The following RIMS2 variants were observed in gnomAD, a reference collection of about 807,000 sequenced individuals.
RIMS2 encodes regulating synaptic membrane exocytosis 2, also known as regulating synaptic membrane exocytosis protein 2.
RIMS2 carries 59 observed loss-of-function variants against 174.4 expected under a neutral mutation model. The ratio of observed to expected loss-of-function variants is 0.34; its 90% confidence interval spans 0.27 to 0.42. The LOEUF is 0.42. Among genes scored for constraint, RIMS2 ranks in the 10% least tolerant of loss-of-function variants. The pLI, the probability that RIMS2 is intolerant of heterozygous loss-of-function variation, is 1.00. For synonymous variants in RIMS2, 606 were observed against 572.5 expected (o/e 1.06, Z -0.84); for missense variants, 1,620 against 1,666.3 (o/e 0.97, Z 0.48).
intron 19 of RIMS2, among the ~76,000 whole-genome samples, chr8:104,091,023 T>C (rs2097646977): frequency 6.6e-6 from 1 of 151,808 alleles, no homozygotes; most frequent in Non-Finnish European, 1.5e-5. Context: ...GATATTGTGC[T>C]AAGTGCTTTA....
At chr8:103,814,882 A>G (rs771807865) in intron 3 of RIMS2, among the ~76,000 whole-genome samples, 1 of 152,162 alleles carries the variant, frequency 6.6e-6, no homozygotes, top group Non-Finnish European at 1.5e-5. Flanking sequence ...ATAGAAGGGG[A>G]GAAACCATTG....
At chr8:103,759,744 G>A (rs1040793467) in intron 2 of RIMS2, among the ~76,000 whole-genome samples, 1 of 152,098 alleles carries the variant, frequency 6.6e-6, no homozygotes, top group African/African-American at 2.4e-5. Context: ...AGAATAGACA[G>A]CTTTTGCCAT....
chr8:103,978,215 T>G (rs1304693705), intron 16 of RIMS2, among the ~76,000 whole-genome samples: 1 of 152,198 alleles, frequency 6.6e-6, no homozygotes, highest in African/African-American at 2.4e-5. Flanking sequence ...GAAAGAACAT[T>G]TGAACAGTCC....
chr8:104,111,607 C>T (rs1368558230), intron 19 of RIMS2, among the ~76,000 whole-genome samples: 4 of 152,200 alleles, frequency 2.6e-5, no homozygotes, highest in South Asian at 2.1e-4. Flanking sequence ...GGGGTTTCAC[C>T]GTGTTGGCCA....
At chr8:104,227,426 C>T (rs1370650241) in intron 19 of RIMS2, among the ~76,000 whole-genome samples, 1 of 152,050 alleles carries the variant, frequency 6.6e-6, no homozygotes, top group Non-Finnish European at 1.5e-5. Flanking sequence ...ACTGAGTCCA[C>T]CTCCCTAATG....
intron 19 of RIMS2, among the ~76,000 whole-genome samples, chr8:104,118,378 T>G (rs201770934): frequency 2.7e-4 from 27 of 98,266 alleles, no homozygotes; most frequent in South Asian, 1.5e-3. Flanking sequence ...TTGTTTTTTT[T>G]TTTTTTGAGA....
intron 2 of RIMS2, among the ~76,000 whole-genome samples, chr8:103,699,072 T>A (rs2097139602): frequency 6.6e-6 from 1 of 152,196 alleles, no homozygotes; most frequent in South Asian, 2.1e-4. Context: ...AAGGTTTCAT[T>A]GTTATATCTT....
intron 19 of RIMS2, among the ~76,000 whole-genome samples, chr8:104,105,656 C>T (rs373381714): frequency 1.5e-4 from 23 of 152,106 alleles, no homozygotes; most frequent in African/African-American, 5.1e-4. Flanking sequence ...CAACCTTGAC[C>T]TTCTGGGCTC....
chr8:104,037,696 C>T (rs571808406), intron 19 of RIMS2, among the ~76,000 whole-genome samples: 16 of 152,196 alleles, frequency 1.1e-4, no homozygotes, highest in African/African-American at 3.9e-4. Context: ...GGAAAGAATT[C>T]TTAGTTTGCA....
chr8:104,159,404 TTAAAG>T (rs1176713860), intron 19 of RIMS2, among the ~76,000 whole-genome samples: 2 of 152,166 alleles, frequency 1.3e-5, no homozygotes, highest in African/African-American at 2.4e-5. Flanking sequence ...CATATGAACT[TTAAAG>T]TAGTTTTTTC....
rs957297583 is a variant in RIMS2, at chr8:103,507,069, C to G, written c.176+6007C>G. Among the ~76,000 whole-genome samples the G allele has an allele frequency of 1.3e-4, 20 of 152,146 alleles. 2 individuals carry two copies. The highest frequency in any genetic ancestry group is 1.1e-3 in the Admixed American group (17 of 15,290). ...CTTATTCACATTGTATCTAAGAACC[C>G]AGAGAACCGTATTAGGTTAAGCTAA... On this transcript the variant is annotated intron_variant, in intron 1 of 23. Transcript: ENST00000504942.
At chr8:104,255,802 C>T (rs1041976170), downstream of RIMS2, 3 of 152,192 alleles carry the variant, frequency 2.0e-5, no homozygotes, top group African/African-American at 4.8e-5. Context: ...TTCACACATC[C>T]ACCTCTGGAC....
At chr8:103,629,143 C>A (rs142454347) in intron 1 of RIMS2, among the ~76,000 whole-genome samples, 4 of 152,320 alleles carry the variant, frequency 2.6e-5, no homozygotes, top group East Asian at 1.9e-4. Context: ...GCACCTGACT[C>A]AACTGGGTGC....
At chr8:104,146,896 A>G (rs1392698511) in intron 19 of RIMS2, among the ~76,000 whole-genome samples, 1 of 151,904 alleles carries the variant, frequency 6.6e-6, no homozygotes, top group Non-Finnish European at 1.5e-5. Context: ...GGGGTCTCAC[A>G]TGTTGCCAGG....
At chr8:104,036,463 A>G (rs2154556996) in intron 19 of RIMS2, among the ~76,000 whole-genome samples, 1 of 152,172 alleles carries the variant, frequency 6.6e-6, no homozygotes, top group African/African-American at 2.4e-5. Flanking sequence ...GAAATAAATT[A>G]TTTTAAACTC....
intron 2 of RIMS2, among the ~76,000 whole-genome samples, chr8:103,704,669 T>G (rs1410150071): frequency 1.3e-4 from 20 of 152,072 alleles, no homozygotes; most frequent in Admixed American, 1.3e-3. Flanking sequence ...TCTGTTTAGG[T>G]TTTCCATTTA....
intron 6 of RIMS2, 119 bp from the exon 10 acceptor site, chr8:103,915,376 C>T: frequency 2.0e-6 from 1 of 501,288 alleles, no homozygotes; most frequent in South Asian, 4.1e-5. Context: ...AAATCATTTT[C>T]TGTACATTAA....
chr8:103,690,451 G>T (rs1423682817), intron 1 of RIMS2, among the ~76,000 whole-genome samples: 1 of 151,666 alleles, frequency 6.6e-6, no homozygotes, highest in Non-Finnish European at 1.5e-5. Context: ...TTTACTTTTT[G>T]TGTATCTGTT....
intron 3 of RIMS2, among the ~76,000 whole-genome samples, chr8:103,875,394 A>T (rs1458779599): frequency 6.6e-6 from 1 of 152,026 alleles, no homozygotes; most frequent in East Asian, 1.9e-4. Context: ...TACTTCATGT[A>T]GGGTAATGGC....
Sources: allele counts gnomAD v4.1 joint callset (sites outside exome capture counted in the v4.1 genomes callset), GRCh38; gene constraint gnomAD v4.1.1; transcripts MANE v1.5; gene names NCBI Gene and HGNC (gene_info 2026-07-23, HGNC 2026-07-21).